Variants in CDH12 observed in about 807,000 individuals in gnomAD.
CDH12 encodes the protein cadherin-12.
In CDH12, 41 loss-of-function variants were observed where a neutral mutation model predicts 74.1. The observed-to-expected ratio is 0.55, with a 90% confidence interval of 0.43 to 0.72. The LOEUF (loss-of-function observed/expected upper bound fraction) is 0.72. Among genes scored for constraint, CDH12 ranks in the 30% least tolerant of loss-of-function variants. The probability of loss-of-function intolerance (pLI) is 0.00; values close to 1 mark genes in which losing one functional copy is unlikely to be tolerated. For synonymous variants in CDH12, 399 were observed against 355.0 expected (o/e 1.12, Z -1.39); for missense variants, 945 against 977.2 (o/e 0.97, Z 0.44).
intron 1 of CDH12, among the ~76,000 whole-genome samples, chr5:22,644,071 C>A (rs2126874672): frequency 6.6e-6 from 1 of 152,088 alleles, no homozygotes; most frequent in Non-Finnish European, 1.5e-5. Flanking sequence ...TTCTTCCTCT[C>A]CTCGGTGCTC....
intron 5 of CDH12, among the ~76,000 whole-genome samples, chr5:22,071,418 C>T (rs987083313): frequency 2.0e-5 from 3 of 152,118 alleles, no homozygotes; most frequent in Admixed American, 6.6e-5. Flanking sequence ...AAAGTCACCT[C>T]TGGATCACTA....
chr5:21,895,436 G>A (rs1024856375), intron 6 of CDH12, among the ~76,000 whole-genome samples: 6 of 152,132 alleles, frequency 3.9e-5, no homozygotes, highest in Admixed American at 1.3e-4. Context: ...TCATTAATGC[G>A]TGGAAGCTTC....
intron 3 of CDH12, among the ~76,000 whole-genome samples, chr5:22,256,937 TGATAGA>T (rs1398009363): frequency 6.6e-6 from 1 of 152,096 alleles, no homozygotes; most frequent in Non-Finnish European, 1.5e-5. Flanking sequence ...TGACCATCAA[TGATAGA>T]ATACAAAGAA....
chr5:22,797,455 T>C (rs182469365), intron 1 of CDH12, among the ~76,000 whole-genome samples: 1 of 152,312 alleles, frequency 6.6e-6, no homozygotes, highest in Non-Finnish European at 1.5e-5. Flanking sequence ...GTACTTTTCT[T>C]CAGTCAAGAA....
intron 3 of CDH12, among the ~76,000 whole-genome samples, chr5:22,360,197 G>A (rs1424237089): frequency 6.6e-6 from 1 of 151,818 alleles, no homozygotes; most frequent in Non-Finnish European, 1.5e-5. Context: ...GACTAATAAA[G>A]AAGAAAAAAG....
chr5:22,611,708 C>T (rs1018977038), intron 1 of CDH12, among the ~76,000 whole-genome samples: 3 of 152,110 alleles, frequency 2.0e-5, no homozygotes, highest in Non-Finnish European at 2.9e-5. Context: ...CAGCTGACTG[C>T]ATGCCTATCA....
At chr5:22,681,810 G>T (rs1007726477) in intron 1 of CDH12, among the ~76,000 whole-genome samples, 1 of 151,972 alleles carries the variant, frequency 6.6e-6, no homozygotes, top group Non-Finnish European at 1.5e-5. Flanking sequence ...GATAGAATTA[G>T]GAGATTGTTT....
intron 1 of CDH12, among the ~76,000 whole-genome samples, chr5:22,543,632 A>G (rs895372711): frequency 6.6e-6 from 1 of 152,170 alleles, no homozygotes; most frequent in Non-Finnish European, 1.5e-5. Flanking sequence ...AAAGAAAATT[A>G]GTAAAAAAAA....
intron 3 of CDH12, among the ~76,000 whole-genome samples, chr5:22,355,414 A>T (rs184620627): frequency 6.7e-4 from 102 of 152,038 alleles, no homozygotes; most frequent in African/African-American, 2.4e-3. Context: ...GAACAATAAC[A>T]TTGGCTAAGT....
At chr5:22,394,552 C>A (rs1221261464) in intron 3 of CDH12, among the ~76,000 whole-genome samples, 1 of 152,066 alleles carries the variant, frequency 6.6e-6, no homozygotes, top group Non-Finnish European at 1.5e-5. Context: ...AGGAGTGAGC[C>A]TCAGGCCAAG....
At chr5:22,564,531 C>T (rs1447197617) in intron 1 of CDH12, among the ~76,000 whole-genome samples, 3 of 151,994 alleles carry the variant, frequency 2.0e-5, no homozygotes, top group Non-Finnish European at 4.4e-5. Context: ...ATTTGCATTT[C>T]CTCTTTTTGT....
chr5:22,575,147 G>A (rs749802801), intron 1 of CDH12, among the ~76,000 whole-genome samples: 124 of 152,096 alleles, frequency 8.2e-4, no homozygotes, highest in Non-Finnish European at 1.1e-3. Context: ...ATGCAAGGAG[G>A]GAGAAATAGA....
At chr5:22,260,848 G>A (rs1351238855) in intron 3 of CDH12, among the ~76,000 whole-genome samples, 1 of 151,860 alleles carries the variant, frequency 6.6e-6, no homozygotes, top group Non-Finnish European at 1.5e-5. Flanking sequence ...AAGTGGGAAT[G>A]ACTTGAAAAA....
intron 4 of CDH12, among the ~76,000 whole-genome samples, chr5:22,154,874 G>C (rs1334462098): frequency 6.6e-6 from 1 of 152,142 alleles, no homozygotes; most frequent in Non-Finnish European, 1.5e-5. Flanking sequence ...GGTCTCATAA[G>C]GCTATCAGGG....
intron 4 of CDH12, among the ~76,000 whole-genome samples, chr5:22,116,383 G>A (rs7349773): frequency 0.47 from 71,844 of 151,832 alleles, 17,179 homozygotes; most frequent in Middle Eastern, 0.52. Context: ...AGACGGGCGG[G>A]TCACGAGGTC....
chr5:22,592,537 T>C (rs1736386135), intron 1 of CDH12, among the ~76,000 whole-genome samples: 3 of 152,194 alleles, frequency 2.0e-5, no homozygotes, highest in South Asian at 4.1e-4. Flanking sequence ...TCTCCTCCTA[T>C]TGCCATAAAT....
intron 1 of CDH12, among the ~76,000 whole-genome samples, chr5:22,532,350 G>GATATATATATATAT (rs71609770): frequency 0.028 from 774 of 27,292 alleles, 107 homozygotes; most frequent in East Asian, 0.095. Context: ...ATATAAATAG[G>GATATATATATATAT]ATATATATAT....
chr5:21,751,651 T>TGTGTGTGTGTGAGA lies in CDH12; in HGVS notation c.*85_*86insTCTCACACACACAC. 1.0e-6 allele frequency: 1 copy of TGTGTGTGTGTGAGA among 959,098 alleles called. No homozygotes were observed. Among genetic ancestry groups the TGTGTGTGTGTGAGA allele is most frequent in the Non-Finnish European group, 1.6e-6 (1 of 633,636 alleles). 59.4% of individuals were successfully genotyped at this position (959,098 alleles called of 1,614,324 possible). ...GTGTGTTTGTGTGTGTGTGTGTGTG[T>TGTGTGTGTGTGAGA]GAGAGAGATTTCTATTAATATTTGT... On this transcript the variant is annotated 3_prime_UTR_variant, in exon 15 of 15. Transcript: ENST00000382254.
chr5:21,955,220 G>T (rs1385441233), intron 6 of CDH12, among the ~76,000 whole-genome samples: 1 of 151,592 alleles, frequency 6.6e-6, no homozygotes, highest in Non-Finnish European at 1.5e-5. Context: ...CTTGCCTGTG[G>T]TCATTCGGGT....
Sources: gnomAD v4.1 joint callset for allele counts (sites outside exome capture counted in the v4.1 genomes callset) on GRCh38, gnomAD v4.1.1 for gene constraint, MANE v1.5 for transcripts, NCBI Gene and HGNC (gene_info 2026-07-23, HGNC 2026-07-21) for gene names.